PPP4C: variants seen among roughly 807,000 people sequenced by gnomAD.
PPP4C encodes serine/threonine-protein phosphatase 4 catalytic subunit.
In PPP4C, 10 loss-of-function variants were observed where a neutral mutation model predicts 40.5. The observed-to-expected ratio is 0.25, with a 90% CI of 0.15 to 0.42. The LOEUF (loss-of-function observed/expected upper bound fraction) is 0.42, where lower values mean the gene tolerates loss of function less well. Ranked by LOEUF, PPP4C falls within the 10% of genes least tolerant of loss-of-function variation. The pLI is 1.00. For missense variants in PPP4C, 191 were observed against 416.4 expected, an observed-to-expected ratio of 0.46 and a Z score of 4.71; for synonymous variants, 187 against 163.6, an observed-to-expected ratio of 1.14 and a Z score of -1.09.
At chr16:30,082,033 C>T (rs1443633036) in intron 3 of PPP4C, among the ~76,000 whole-genome samples, 3 of 146,968 alleles carry the variant, frequency 2.0e-5, no homozygotes, top group Admixed American at 6.9e-5. Context: ...CCAGGCTAGG[C>T]GACAGAGTGA....
At chr16:30,079,139 C>G (rs1237783781) in intron 2 of PPP4C, among the ~76,000 whole-genome samples, 7 of 151,834 alleles carry the variant, frequency 4.6e-5, no homozygotes, top group Non-Finnish European at 1.5e-5. Flanking sequence ...CACTCTCCAG[C>G]TTGGTGACCT....
chr16:30,078,999 A>T (rs574229048), intron 2 of PPP4C, among the ~76,000 whole-genome samples: 1 of 152,084 alleles, frequency 6.6e-6, no homozygotes, highest in Non-Finnish European at 1.5e-5. Flanking sequence ...TTGCGCTGGC[A>T]CTGAGGGGGG....
In PPP4C at chr16:30,083,830, G is replaced by A. The variant is rs545240633; in HGVS notation, c.604+49G>A. On this transcript the variant is annotated intron_variant, in intron 7 of 8. Transcript: ENST00000279387. The surrounding 1 kb of genome is among the most constrained non-coding windows in gnomAD (Gnocchi z 6.3). ...GGCAGGGACAGCCAGGAGGGGTTGG[G>A]AAAGAGAGGGAGCAGGGCTGGTCTT... 3.1e-6 allele frequency: 5 copies of A among 1,606,310 alleles called. No homozygotes were observed. The South Asian group carries it at 4.4e-5, about 14-fold the overall frequency.
intron 2 of PPP4C, among the ~76,000 whole-genome samples, chr16:30,078,273 G>A (rs976869381): frequency 2.0e-5 from 3 of 152,212 alleles, no homozygotes; most frequent in Admixed American, 6.5e-5. Flanking sequence ...CCATTTCATA[G>A]CAGAGGAAAC....
intron 2 of PPP4C, among the ~76,000 whole-genome samples, chr16:30,080,751 C>T (rs910800912): frequency 1.1e-4 from 17 of 152,128 alleles, no homozygotes; most frequent in Non-Finnish European, 2.4e-4. Flanking sequence ...GTGATCTGCC[C>T]ACCCTGGCAT....
In PPP4C at chr16:30,085,219, T is replaced by C; in HGVS notation, c.*157T>C. 1 of 797,960 alleles carries C rather than the reference T, an allele frequency of 1.3e-6. No individual in the cohort carries two copies. 49.4% of individuals were successfully genotyped at this position (797,960 alleles called of 1,614,324 possible). A position where few individuals can be genotyped will look rare whatever the true frequency, so the allele number is the denominator to read the frequency against. On this transcript the variant is annotated 3_prime_UTR_variant, in exon 9 of 9. Transcript: ENST00000279387. ...GGGTGAGGACTTCTCTGGAGAGGCC[T>C]GGAGACCTAGCTCCATGTTCCTCCT...
intron 2 of PPP4C, among the ~76,000 whole-genome samples, chr16:30,078,489 T>C (rs1305890671): frequency 1.3e-5 from 2 of 152,148 alleles, no homozygotes; most frequent in Non-Finnish European, 2.9e-5. Context: ...TGAGTGGAAC[T>C]AGGAGGTACT....
Position 30,076,006 on chromosome 16 carries a change from A to AGCG in PPP4C, c.-129_-127dup, listed in dbSNP as rs536280015. On this transcript the variant is annotated 5_prime_UTR_variant, in exon 1 of 9. Coordinates refer to ENST00000279387, the MANE Select transcript of PPP4C (RefSeq NM_002720.3). ...CTTCCGCGGCGGGGCCGGAAGTAGG[A>AGCG]GCGGCGGCGGCGGCGGCGGCGGCGG... The AGCG allele has an allele frequency of 6.8e-3, 2,388 of 351,810 alleles. 27 individuals carry two copies. Among genetic ancestry groups the AGCG allele is most frequent in the African/African-American group, 0.031 (1,372 of 44,420 alleles). The allele number at this position is 351,810 out of a possible 1,614,324, so 21.8% of individuals were successfully genotyped here.
In PPP4C at chr16:30,081,295, G is replaced by A. The variant is rs1156637302; in HGVS notation, c.135G>A (p.Val45=). ...ILVEESNVQR[V]DSPVTVCGDI... ...TAGAGGAGAGCAACGTGCAGAGGGTGGACTCGCCAGTCACAGTGAGTACCT... is the reference window on the plus strand; with the variant it reads ...TAGAGGAGAGCAACGTGCAGAGGGTAGACTCGCCAGTCACAGTGAGTACCT... Residue 45 remains valine, a synonymous_variant, in exon 3 of 9, where the codon GTG becomes GTA. Transcript: ENST00000279387. The A allele has an allele frequency of 6.2e-7, 1 of 1,613,674 alleles. No homozygotes were observed. Among genetic ancestry groups the A allele is most frequent in the African/African-American group, 1.3e-5 (1 of 74,904 alleles).
chr16:30,082,650 G>A, intron 4 of PPP4C, 96 bp from the exon 5 acceptor site: 1 of 1,534,344 alleles, frequency 6.5e-7, no homozygotes, highest in Non-Finnish European at 9.0e-7. Context: ...CCCCAAGTTA[G>A]ATGGGTGGTT....
chr16:30,081,080 A>G (rs771237680), intron 2 of PPP4C, 179 bp from the exon 3 acceptor site: 53 of 751,600 alleles, frequency 7.1e-5, no homozygotes, highest in Non-Finnish European at 1.1e-4. Flanking sequence ...GCAGGGGGCC[A>G]CGGAAGGGTG....
chr16:30,084,470 C>T (rs919700108), intron 7 of PPP4C, among the ~76,000 whole-genome samples, 196 bp from the exon 8 acceptor site: 2 of 152,250 alleles, frequency 1.3e-5, no homozygotes, highest in Admixed American at 1.3e-4. Context: ...CGTTCTTTCT[C>T]CTCTGGAGCT....
chr16:30,084,537 C>T lies in PPP4C; in HGVS notation c.605-129C>T, dbSNP rs899714524. On this transcript the variant is annotated intron_variant, in intron 7 of 8. Coordinates refer to ENST00000279387, the MANE Select transcript of PPP4C (RefSeq NM_002720.3). ...CGCCATCCCACAGACCATATTCAGG[C>T]CCCATGCTCTGGTCCCACGGGCCTC... 1.0e-5 allele frequency: 8 copies of T among 787,610 alleles called. No homozygotes were observed. The African/African-American group carries it at 1.4e-4, about 14-fold the overall frequency. The allele number at this position is 787,610 out of a possible 1,614,324, so 48.8% of individuals were successfully genotyped here.
chr16:30,078,684 G>A (rs1393728227), intron 2 of PPP4C, among the ~76,000 whole-genome samples: 5 of 150,958 alleles, frequency 3.3e-5, no homozygotes, highest in East Asian at 1.9e-4. Flanking sequence ...ACAGAGGTCC[G>A]CAGTGTCTGA....
intron 3 of PPP4C, 80 bp downstream of exon 3, chr16:30,081,390 A>G: frequency 2.6e-6 from 3 of 1,173,436 alleles, no homozygotes; most frequent in South Asian, 2.5e-5. Flanking sequence ...GGGGCTCTAT[A>G]AGCCCAACCC....
intron 2 of PPP4C, among the ~76,000 whole-genome samples, chr16:30,080,506 CTTTTT>C (rs71373222): frequency 2.4e-5 from 3 of 123,978 alleles, no homozygotes; most frequent in Admixed American, 8.5e-5. Context: ...GAGCACCTCA[CTTTTT>C]TTTTTTTTTT....
At chr16:30,076,574 G>A (rs1306624523) in intron 2 of PPP4C, 99 bp downstream of exon 2, 7 of 1,259,726 alleles carry the variant, frequency 5.6e-6, no homozygotes, top group Non-Finnish European at 7.9e-6. Flanking sequence ...CCTCGTTCTG[G>A]AAGCTTTCCC....
chr16:30,081,428 A>C, intron 3 of PPP4C, 118 bp downstream of exon 3: 1 of 807,388 alleles, frequency 1.2e-6, no homozygotes, highest in East Asian at 2.5e-5. Context: ...CCTTTCCCTC[A>C]CCTTCAACGG....
intron 7 of PPP4C, 107 bp from the exon 8 acceptor site, chr16:30,084,559 C>T: frequency 1.0e-6 from 1 of 995,790 alleles, no homozygotes; most frequent in South Asian, 1.5e-5. Flanking sequence ...GTCCCACGGG[C>T]CTCTGGTGGA....
Sources: gnomAD v4.1 joint callset for allele counts (sites outside exome capture counted in the v4.1 genomes callset) on GRCh38, gnomAD v4.1.1 for gene constraint, Gnocchi (gnomAD v3.1) non-coding constraint, MANE v1.5 for transcripts, NCBI Gene and HGNC (gene_info 2026-07-23, HGNC 2026-07-21) for gene names.